The following LARGE1 variants were observed in gnomAD, a reference collection of about 807,000 sequenced individuals.
LARGE1 encodes the protein xylosyl- and glucuronyltransferase LARGE1.
In LARGE1, 43 loss-of-function variants were observed where a neutral mutation model predicts 87.6. That is an observed-to-expected ratio of 0.49 (90% CI 0.38 to 0.63). The LOEUF (loss-of-function observed/expected upper bound fraction) is 0.63. Among genes scored for constraint, LARGE1 ranks in the 30% least tolerant of loss-of-function variants. The probability of loss-of-function intolerance (pLI) is 0.00; values close to 1 mark genes in which losing one functional copy is unlikely to be tolerated. For synonymous variants in LARGE1, 434 were observed against 394.6 expected (o/e 1.10, Z -1.18); for missense variants, 802 against 1,000.2 (o/e 0.80, Z 2.67).
At chr22:33,492,068 T>A (rs1480243692) in intron 6 of LARGE1, among the ~76,000 whole-genome samples, 2 of 152,202 alleles carry the variant, frequency 1.3e-5, no homozygotes, top group South Asian at 4.1e-4. Context: ...TAGTGTTGAA[T>A]TACTAAATGA....
At chr22:33,381,273 T>C (rs5998901) in intron 9 of LARGE1, among the ~76,000 whole-genome samples, 15,228 of 152,248 alleles carry the variant, frequency 0.1, 950 homozygotes, top group South Asian at 0.25. Flanking sequence ...ACTATCAGAA[T>C]AGCTTGTTAT....
intron 6 of LARGE1, among the ~76,000 whole-genome samples, chr22:33,533,293 G>A (rs2076949233): frequency 6.6e-6 from 1 of 152,116 alleles, no homozygotes; most frequent in African/African-American, 2.4e-5. Flanking sequence ...TTTTATTAAC[G>A]TCGTCAGCTG....
At chr22:33,837,265 C>T (rs1393995739) in intron 1 of LARGE1, among the ~76,000 whole-genome samples, 4 of 151,746 alleles carry the variant, frequency 2.6e-5, no homozygotes, top group Non-Finnish European at 4.4e-5. Flanking sequence ...TATACACACA[C>T]ACACACACAC....
At chr22:33,234,829 C>T (rs1452903692) in intron 11 of LARGE1, among the ~76,000 whole-genome samples, 1 of 152,148 alleles carries the variant, frequency 6.6e-6, no homozygotes, top group African/African-American at 2.4e-5. Flanking sequence ...GTGTGAGCCA[C>T]CACACCCTAA....
chr22:33,780,159 C>T (rs2145887010), intron 1 of LARGE1, among the ~76,000 whole-genome samples: 1 of 152,314 alleles, frequency 6.6e-6, no homozygotes, highest in East Asian at 1.9e-4. Flanking sequence ...TCCAAACTTC[C>T]CGTTACAAGG....
At chr22:33,336,376 T>A (rs1277423778) in intron 10 of LARGE1, among the ~76,000 whole-genome samples, 1 of 152,034 alleles carries the variant, frequency 6.6e-6, no homozygotes, top group Non-Finnish European at 1.5e-5. Context: ...ATTTTTGTAT[T>A]TTTAGTAGAG....
intron 4 of LARGE1, among the ~76,000 whole-genome samples, chr22:33,623,725 A>C (rs1430850738): frequency 7.1e-6 from 1 of 139,888 alleles, no homozygotes; most frequent in African/African-American, 2.6e-5. Flanking sequence ...AAAAAAAAAA[A>C]CCTAAAGTCT....
chr22:33,366,910 A>C (rs1470742746), intron 9 of LARGE1, among the ~76,000 whole-genome samples: 1 of 152,168 alleles, frequency 6.6e-6, no homozygotes, highest in Admixed American at 6.5e-5. Flanking sequence ...TTTATTTAAA[A>C]TTGGAAATGT....
chr22:33,484,911 GTTT>G (rs545498648), intron 6 of LARGE1, among the ~76,000 whole-genome samples: 7 of 130,360 alleles, frequency 5.4e-5, no homozygotes, highest in Admixed American at 3.1e-4. Flanking sequence ...TAATGAGGTG[GTTT>G]TTTTTTTTTT....
intron 6 of LARGE1, among the ~76,000 whole-genome samples, chr22:33,479,463 C>T (rs562957273): frequency 6.6e-6 from 1 of 152,304 alleles, no homozygotes; most frequent in East Asian, 1.9e-4. Context: ...AAGATAAACT[C>T]CATAGAAACA....
At chr22:33,248,962 A>G (rs1396780781) in intron 11 of LARGE1, among the ~76,000 whole-genome samples, 1 of 152,220 alleles carries the variant, frequency 6.6e-6, no homozygotes, top group Non-Finnish European at 1.5e-5. Context: ...TACCTACTGA[A>G]GGATATCTTG....
the LARGE1 span, among the ~76,000 whole-genome samples, chr22:33,076,693 T>A: frequency 6.6e-6 from 1 of 152,134 alleles, no homozygotes; most frequent in African/African-American, 2.4e-5. Flanking sequence ...AGCCTACAGA[T>A]CTGTCCAATA....
the LARGE1 span, among the ~76,000 whole-genome samples, chr22:33,073,420 G>A: frequency 2.0e-5 from 3 of 152,082 alleles, no homozygotes; most frequent in Non-Finnish European, 4.4e-5. Context: ...CCAATCAAAA[G>A]GAATTTTAAA....
At chr22:33,817,761 C>T (rs2086699018) in intron 1 of LARGE1, among the ~76,000 whole-genome samples, 4 of 152,190 alleles carry the variant, frequency 2.6e-5, no homozygotes. Flanking sequence ...TTCAGTAGTA[C>T]ACCTTCTGTT....
chr22:33,083,088 T>C, the LARGE1 span, among the ~76,000 whole-genome samples: 1 of 152,142 alleles, frequency 6.6e-6, no homozygotes, highest in African/African-American at 2.4e-5. Context: ...AAATATATCA[T>C]TTCTAATATC....
chr22:33,885,685 C>T (rs1336118580), intron 1 of LARGE1, among the ~76,000 whole-genome samples: 2 of 152,174 alleles, frequency 1.3e-5, no homozygotes, highest in African/African-American at 2.4e-5. Flanking sequence ...AACCACCCAA[C>T]CTACAACTTC....
intron 2 of LARGE1, among the ~76,000 whole-genome samples, chr22:33,683,521 T>C (rs946877469): frequency 6.6e-6 from 1 of 152,022 alleles, no homozygotes; most frequent in Non-Finnish European, 1.5e-5. Context: ...ATATTATATA[T>C]AACAGAATCA....
chr22:33,587,264 T>C (rs1298801148), intron 5 of LARGE1, among the ~76,000 whole-genome samples: 2 of 152,316 alleles, frequency 1.3e-5, no homozygotes, highest in East Asian at 1.9e-4. Context: ...AATCCTTTGA[T>C]TCCACCTTTA....
rs114935943 is a variant in LARGE1, at chr22:33,814,005, T to G, written c.-82-52447A>C. On this transcript the variant is annotated intron_variant, in intron 1 of 14. Transcript: ENST00000397394. ...TTTTTCCTGTTTAGAGAAAAAACTT[T>G]AAAAAGCATCACTGAAGTTAACTTA... 5.2e-3 allele frequency among the ~76,000 whole-genome samples: 796 copies of G among 152,232 alleles called. 2 individuals are homozygous for G. Among genetic ancestry groups the G allele is most frequent in the African/African-American group, 0.018 (768 of 41,544 alleles).
Sources: allele counts gnomAD v4.1 joint callset (sites outside exome capture counted in the v4.1 genomes callset), GRCh38; gene constraint gnomAD v4.1.1; transcripts MANE v1.5; gene names NCBI Gene and HGNC (gene_info 2026-07-23, HGNC 2026-07-21).